The following UCP3 variants were observed in gnomAD, a reference collection of about 807,000 sequenced individuals.
UCP3 encodes putative mitochondrial transporter UCP3.
UCP3 carries 24 observed loss-of-function variants against 28.1 expected under a neutral mutation model. The observed-to-expected ratio is 0.85, with a 90% CI of 0.62 to 1.20. The LOEUF (loss-of-function observed/expected upper bound fraction) is 1.20. Ranked by LOEUF, UCP3 falls within the 50% of genes most tolerant of loss-of-function variation. The pLI is 0.00. For synonymous variants in UCP3, 184 were observed against 171.2 expected, an observed-to-expected ratio of 1.07 and a Z score of -0.59; for missense variants, 397 against 422.2, an observed-to-expected ratio of 0.94 and a Z score of 0.52.
chr11:74,004,736 C>T (rs1951648315), intron 4 of UCP3, 151 bp from the exon 5 acceptor site: 1 of 657,622 alleles, frequency 1.5e-6, no homozygotes, highest in Admixed American at 3.0e-5. Flanking sequence ...GGATCCCACC[C>T]CAGCTGAGCA....
chr11:74,002,734 A>G (rs1951630569), intron 6 of UCP3: 1 of 984,864 alleles, frequency 1.0e-6, no homozygotes. Flanking sequence ...GAAGACTGTA[A>G]TGATAGAGGC....
At chr11:74,004,069 C>T (rs1451327910) in intron 5 of UCP3, 62 bp from the exon 6 acceptor site, 1 of 1,593,418 alleles carries the variant, frequency 6.3e-7, no homozygotes. Context: ...TATGTATGCA[C>T]TGTTTGTCCC....
rs1367571440 is a variant in UCP3 at position 74,006,348 on chromosome 11, G to A, written c.158C>T (p.Ala53Val). 2.5e-6 allele frequency: 4 copies of A among 1,588,556 alleles called. No individual in the cohort carries two copies. The South Asian group carries it at 3.4e-5, about 13-fold the overall frequency. Residue 53 changes from alanine to valine, a missense_variant, in exon 3 of 7, where the codon GCC becomes GTC. By Grantham distance (64) the Ala-to-Val change is moderately conservative. Transcript: ENST00000314032. ...IQGENQAVQT[A>V]RLVQYRGVLG... ...CACGCCACGGTACTGCACGAGCCGG[G>A]CCGTCTGGACCGCCTGGTTCTCCCC...
intron 6 of UCP3, 70 bp from the exon 7 acceptor site, chr11:74,001,596 G>C: frequency 7.4e-7 from 1 of 1,344,826 alleles, no homozygotes; most frequent in Non-Finnish European, 1.1e-6. Flanking sequence ...GTGCTCTCCC[G>C]GGACACAGTG....
At position 74,001,725 on chromosome 11, in the gene UCP3, G is replaced by GA. The variant is rs11412246; in HGVS notation, c.825-200dup. The GA allele has an allele frequency of 0.27, 149,653 of 552,258 alleles. 18,535 individuals are homozygous for GA. Among genetic ancestry groups the GA allele is most frequent in the African/African-American group, 0.42 (21,408 of 51,284 alleles). 34.2% of individuals were successfully genotyped at this position (552,258 alleles called of 1,614,324 possible). A position where few individuals can be genotyped will look rare whatever the true frequency, so the allele number is the denominator to read the frequency against. ...TAGGCAGAAGTCGGAGTAAGGAAAA[G>GA]AAAAAAAAACTCACGTTTTGAGACG... On this transcript the variant is annotated intron_variant, in intron 6 of 6. Coordinates refer to ENST00000314032, the MANE Select transcript of UCP3 (RefSeq NM_003356.4).
chr11:74,004,724 G>C (rs1951648192), intron 4 of UCP3, 139 bp from the exon 5 acceptor site: 1 of 714,922 alleles, frequency 1.4e-6, no homozygotes, highest in Admixed American at 2.8e-5. Flanking sequence ...GTCTCAGCCA[G>C]AGGATCCCAC....
Position 74,005,713 on chromosome 11 carries a change from C to T in UCP3, c.541+17G>A. On this transcript the variant is annotated intron_variant, in intron 4 of 6. Transcript: ENST00000314032. ...AAGCTCTGCCTAAGACCGCCTGCGT[C>T]CAGAGTCCAGACCTACCTTTCCACA... 1 of 1,613,842 alleles carries T rather than the reference C, an allele frequency of 6.2e-7. No individual in the cohort carries two copies. Among genetic ancestry groups the T allele is most frequent in the Non-Finnish European group, 8.5e-7 (1 of 1,180,004 alleles).
chr11:74,003,865 C>T lies in UCP3; in HGVS notation c.786G>A (p.Lys262=), dbSNP rs1591234758. 1.9e-6 allele frequency: 3 copies of T among 1,613,402 alleles called. No homozygotes were observed. The highest frequency in any genetic ancestry group is 2.5e-6 in the Non-Finnish European group (3 of 1,179,550). Residue 262 remains lysine, a synonymous_variant, in exon 6 of 7, where the codon AAG becomes AAA. Transcript: ENST00000314032. ...QYFSPLDCMI[K]MVAQEGPTAF... ...CTGTGGGGCCCTCCTGGGCCACCAT[C>T]TTTATCATACAGTCGAGGGGGCTGA... is the stretch of plus-strand genomic sequence containing the variant.
rs1175279124 is a variant in UCP3, at chr11:74,002,854, G to T, written c.824+973C>A. On this transcript the variant is annotated intron_variant, in intron 6 of 6. Transcript: ENST00000314032. ...ACTTGTTGGGTCCATTCTAACACTG[G>T]GCACCAAAAAACTCTCTGTTGAAGA... The T allele has an allele frequency of 4.1e-6, 4 of 985,264 alleles. No homozygotes were observed. The African/African-American group carries it at 7.0e-5, about 17-fold the overall frequency. The allele number at this position is 985,264 out of a possible 1,614,324, so 61.0% of individuals were successfully genotyped here. A position where few individuals can be genotyped will look rare whatever the true frequency, so the allele number is the denominator to read the frequency against.
In UCP3 at chr11:74,006,257, G is replaced by A. The variant is rs777883919; in HGVS notation, c.249C>T (p.Ala83=). The A allele has an allele frequency of 4.3e-5, 70 of 1,613,710 alleles. No homozygotes were observed. The highest frequency in any genetic ancestry group is 1.2e-4 in the African/African-American group (9 of 74,926). ...CGAAGCTCATCTGGCGCTGCAGGCC[G>A]GCCACCAGCCCATTGTAGGGGCTGC... The part of the protein sequence containing the change: ...GPCSPYNGLV[A]GLQRQMSFAS... The change falls in exon 3 of 7, where the codon GCC becomes GCT. Residue 83 remains alanine, a synonymous_variant. Coordinates refer to ENST00000314032, the MANE Select transcript of UCP3 (RefSeq NM_003356.4).
At chr11:74,004,870 T>C (rs1343396993) in intron 4 of UCP3, among the ~76,000 whole-genome samples, 1 of 152,216 alleles carries the variant, frequency 6.6e-6, no homozygotes, top group Admixed American at 6.5e-5. Context: ...CTGCAATAGC[T>C]GTCAAAATTA....
At chr11:74,002,712 G>A (rs1483353611) in intron 6 of UCP3, 1 of 972,772 alleles carries the variant, frequency 1.0e-6, no homozygotes, top group African/African-American at 1.8e-5. Context: ...ACTGAGACAA[G>A]TGGCTACAGC....
chr11:74,008,755 G>A (rs758037572), intron 1 of UCP3, among the ~76,000 whole-genome samples: 36 of 152,304 alleles, frequency 2.4e-4, no homozygotes, highest in Admixed American at 4.6e-4. Context: ...TGAGTGACAC[G>A]GGTGTTGGGT....
In UCP3 at chr11:74,001,382, C is replaced by T. The variant is rs368564754; in HGVS notation, c.*30G>A. ...TTCCATTCTTAACTGGTTTCGGACACGTTAGCTACCAGTGGCCTTCTTGTC... is the reference window on the plus strand; with the variant it reads ...TTCCATTCTTAACTGGTTTCGGACATGTTAGCTACCAGTGGCCTTCTTGTC... On this transcript the variant is annotated 3_prime_UTR_variant, in exon 7 of 7. Coordinates refer to ENST00000314032, the MANE Select transcript of UCP3 (RefSeq NM_003356.4). 11 of 1,608,420 alleles carry T rather than the reference C, an allele frequency of 6.8e-6. No homozygotes were observed. Among genetic ancestry groups the T allele is most frequent in the African/African-American group, 2.7e-5 (2 of 74,918 alleles).
Position 74,003,931 on chromosome 11 carries a change from C to G in UCP3, c.720G>C (p.Val240=), listed in dbSNP as rs777928800. 6.2e-7 allele frequency: 1 copy of G among 1,614,150 alleles called. No homozygotes were observed. The highest frequency in any genetic ancestry group is 8.5e-7 in the Non-Finnish European group (1 of 1,180,038). Residue 240 remains valine (V), a synonymous_variant, in exon 6 of 7, where the codon GTG becomes GTC. Coordinates refer to ENST00000314032, the MANE Select transcript of UCP3 (RefSeq NM_003356.4). ...CATVVASPVD[V]VKTRYMNSPP... is the part of the protein sequence containing the mutation. ...GTGAGTTCATATACCGGGTCTTCAC[C>G]ACGTCCACCGGGGAGGCCACCACTG...
At chr11:74,006,452 T>C in intron 2 of UCP3, 73 bp from the exon 3 acceptor site, 6 of 1,424,574 alleles carry the variant, frequency 4.2e-6, no homozygotes, top group Non-Finnish European at 5.5e-6. Flanking sequence ...GGAACCCTGC[T>C]GGGGCTGGGC....
At chr11:74,006,799 G>T in intron 2 of UCP3, 118 bp downstream of exon 2, 1 of 1,520,426 alleles carries the variant, frequency 6.6e-7, no homozygotes, top group South Asian at 1.2e-5. Flanking sequence ...AAGCAGTGGA[G>T]TGAGAGTCTT....
chr11:74,006,326 G>C lies in UCP3; in HGVS notation c.180C>G (p.Gly60=), dbSNP rs746348453. ...CCATGGTCAGGATGGTGCCCAGCAC[G>C]CCACGGTACTGCACGAGCCGGGCCG... ...VQTARLVQYR[G]VLGTILTMVR... The change falls in exon 3 of 7, where the codon GGC becomes GGG. Residue 60 remains glycine, a synonymous_variant. Transcript: ENST00000314032. 2.5e-6 allele frequency: 4 copies of C among 1,604,428 alleles called. No individual in the cohort carries two copies. The highest frequency in any genetic ancestry group is 3.4e-6 in the Non-Finnish European group (4 of 1,177,396).
At position 74,001,260 on chromosome 11, in the gene UCP3, C is replaced by A; in HGVS notation, c.*152G>T. ...GCAGTGAAGACCAGAATCCCTCCTCCTCTTCTACTTCTGTTTCTTGAATCA... is the reference window on the plus strand; with the variant it reads ...GCAGTGAAGACCAGAATCCCTCCTCATCTTCTACTTCTGTTTCTTGAATCA... On this transcript the variant is annotated 3_prime_UTR_variant, in exon 7 of 7. Coordinates refer to ENST00000314032, the MANE Select transcript of UCP3 (RefSeq NM_003356.4). The A allele has an allele frequency of 1.4e-6, 1 of 718,628 alleles. No homozygotes were observed. Among genetic ancestry groups the A allele is most frequent in the Non-Finnish European group, 2.4e-6 (1 of 422,906 alleles). The allele number at this position is 718,628 out of a possible 1,614,324, so 44.5% of individuals were successfully genotyped here. A position where few individuals can be genotyped will look rare whatever the true frequency, so the allele number is the denominator to read the frequency against.
Sources: allele counts gnomAD v4.1 joint callset (sites outside exome capture counted in the v4.1 genomes callset), GRCh38; gene constraint gnomAD v4.1.1; transcripts MANE v1.5; gene names NCBI Gene and HGNC (gene_info 2026-07-23, HGNC 2026-07-21).